MUC4: variants seen among roughly 807,000 people sequenced by gnomAD.
The protein encoded by MUC4 is mucin 4, cell surface associated, also known as mucin-4.
In MUC4, 202 loss-of-function variants were observed where a neutral mutation model predicts 257.9. The observed-to-expected ratio is 0.78, with a 90% CI of 0.70 to 0.88. MUC4 has a LOEUF of 0.88. MUC4 is among the 40% of genes least tolerant of loss of function. The pLI is 0.00. For synonymous variants in MUC4, 2,351 were observed against 2,757.1 expected, an observed-to-expected ratio of 0.85 and a Z score of 4.62; for missense variants, 5,976 against 6,513.7, an observed-to-expected ratio of 0.92 and a Z score of 2.84.
chr3:195,770,327 C>T lies in MUC4; in HGVS notation c.13287G>A (p.Gln4429=). 8 of 1,614,054 alleles carry T rather than the reference C, an allele frequency of 5.0e-6. No homozygotes were observed. The highest frequency in any genetic ancestry group is 6.8e-6 in the Non-Finnish European group (8 of 1,179,984). The change falls in exon 6 of 25, where the codon CAG becomes CAA. Residue 4429 remains glutamine, a synonymous_variant. Coordinates refer to ENST00000463781, the MANE Select transcript of MUC4 (RefSeq NM_018406.7). ...FYGEHSLLVQ[Q]AESWIRKMTN... ...TCATCTTTCTAATCCAAGACTCGGC[C>T]TGCTGGACTAGCAGGCTGTGTTCAC...
rs1359919235 is a variant in MUC4, at chr3:195,811,869, G to A, written c.-52C>T. On this transcript the variant is annotated 5_prime_UTR_variant, in exon 1 of 25. Transcript: ENST00000463781. ...CCTGGGGAAGCTCCACGGCCCAGCA[G>A]CTGCAGTGTGAGGAGCAGACGTGAG... The A allele has an allele frequency of 5.1e-6, 8 of 1,576,060 alleles. No homozygotes were observed. Among genetic ancestry groups the A allele is most frequent in the African/African-American group, 1.3e-5 (1 of 74,200 alleles).
intron 1 of MUC4, among the ~76,000 whole-genome samples, chr3:195,794,136 A>T (rs1734251306): frequency 6.6e-6 from 1 of 150,768 alleles, no homozygotes; most frequent in African/African-American, 2.4e-5. Context: ...ATAAAGAAAA[A>T]TATTTCCCAG....
At chr3:195,772,233 G>C (rs2550243) in intron 4 of MUC4, among the ~76,000 whole-genome samples, 4 of 144,648 alleles carry the variant, frequency 2.8e-5, no homozygotes, top group African/African-American at 1.0e-4. Flanking sequence ...CCCTCCCTCC[G>C]TCGCTCAGGG....
intron 3 of MUC4, among the ~76,000 whole-genome samples, chr3:195,775,905 C>T (rs1328471222): frequency 1.9e-5 from 2 of 103,356 alleles, no homozygotes; most frequent in African/African-American, 1.0e-4. Flanking sequence ...CCTTCCACAC[C>T]CATACCTTCC....
rs71180950 is a variant in MUC4 at position 195,746,885 on chromosome 3, CGTGTGTGTGT to C, written c.*281_*290del. The C allele has an allele frequency of 8.2e-6, 4 of 485,518 alleles. No homozygotes were observed. The highest frequency in any genetic ancestry group is 3.5e-5 in the South Asian group (1 of 28,204). The allele number at this position is 485,518 out of a possible 1,614,324, so 30.1% of individuals were successfully genotyped here. ...TAGGGCCATCACCACATTATGAACT[CGTGTGTGTGT>C]GTGTGTGTGTGCACGCGCGCGTGCA... On this transcript the variant is annotated 3_prime_UTR_variant, in exon 25 of 25. Transcript: ENST00000463781.
At chr3:195,768,710 GTTA>G (rs998020103) in intron 7 of MUC4, among the ~76,000 whole-genome samples, 3 of 152,250 alleles carry the variant, frequency 2.0e-5, no homozygotes, top group Non-Finnish European at 2.9e-5. Flanking sequence ...AGTCTTGGCT[GTTA>G]TTATCACGAT....
chr3:195,788,839 C>T lies in MUC4; in HGVS notation c.2741G>A (p.Arg914Lys). Residue 914 changes from arginine to lysine, a missense_variant, in exon 2 of 25, where the codon AGA (arginine) becomes AAA (lysine). Around this residue, in one of 44 missense-constraint regions of MUC4, gnomAD observed 1,583 missense variants for 1,257.4 expected, o/e 1.26. Transcript: ENST00000463781. ...GATAGTGTCAGACCCTCTGCTGGTT[C>T]TTGTCCTCTGAGTCTGGGCCATCCG... ...ISRMAQTQRT[R>K]TSRGSDTISL... 1 of 1,613,888 alleles carries T rather than the reference C, an allele frequency of 6.2e-7. No homozygotes were observed. Among genetic ancestry groups the T allele is most frequent in the Non-Finnish European group, 8.5e-7 (1 of 1,179,840 alleles).
At chr3:195,808,401 A>G (rs1343577629) in intron 1 of MUC4, among the ~76,000 whole-genome samples, 1 of 151,988 alleles carries the variant, frequency 6.6e-6, no homozygotes, top group Non-Finnish European at 1.5e-5. Flanking sequence ...TTTTTAGTGG[A>G]GACAGGGTTG....
At position 195,789,145 on chromosome 3, in the gene MUC4, C is replaced by T. The variant is rs1294092008; in HGVS notation, c.2435G>A (p.Gly812Asp). 1 of 1,613,654 alleles carries T rather than the reference C, an allele frequency of 6.2e-7. No individual in the cohort carries two copies. Among genetic ancestry groups the T allele is most frequent in the Non-Finnish European group, 8.5e-7 (1 of 1,179,820 alleles). Reference protein sequence around the residue: ...TATPSSSGASGTTPSGSEGIS... With the variant: ...TATPSSSGASDTTPSGSEGIS... ...TCCTTCGCTTCCTGAAGGTGTTGTG[C>T]CACTCGCCCCGGATGAGGAAGGGGT... is the stretch of plus-strand genomic sequence containing the variant. Residue 812 changes from glycine to aspartate, a missense_variant, in exon 2 of 25, where the codon GGC (glycine) becomes GAC (aspartate). Physicochemically the swap from Gly to Asp is moderately conservative, Grantham distance 94 (BLOSUM62 -1). Transcript: ENST00000463781.
chr3:195,767,802 TCATCACCACCATCACCACCAC>T (rs1356569256), intron 7 of MUC4, among the ~76,000 whole-genome samples: 2 of 31,920 alleles, frequency 6.3e-5, no homozygotes, highest in African/African-American at 2.1e-4. Context: ...GCCACCACCA[TCATCACCACCATCACCACCAC>T]CACCACCATC....
chr3:195,779,658 A>T lies in MUC4; in HGVS notation c.11922T>A (p.Arg3974=). The change falls in exon 2 of 25, where the codon CGT becomes CGA. Residue 3974 remains arginine, a synonymous_variant. Transcript: ENST00000463781. ...GHATSLPVTS[R]SSASTGHATP... is the part of the protein sequence containing the mutation. ...TGGCGTGACCTGTGGATGCTGAGGA[A>T]CGGCTGGTGACAGGAAGAGAGGTGG... The T allele has an allele frequency of 3.0e-6, 3 of 983,980 alleles. 1 individual carries two copies. The highest frequency in any genetic ancestry group is 4.2e-6 in the Non-Finnish European group (3 of 719,724). The allele number at this position is 983,980 out of a possible 1,614,324, so 61.0% of individuals were successfully genotyped here.
At chr3:195,803,077 G>A (rs1012506220) in intron 1 of MUC4, among the ~76,000 whole-genome samples, 7 of 151,880 alleles carry the variant, frequency 4.6e-5, no homozygotes, top group Admixed American at 3.3e-4. Context: ...ATTTCTCTGC[G>A]TGCGAGGATC....
chr3:195,786,362 C>T lies in MUC4; in HGVS notation c.5218G>A (p.Gly1740Ser). 1 of 1,526,268 alleles carries T rather than the reference C, an allele frequency of 6.6e-7. No individual in the cohort carries two copies. Among genetic ancestry groups the T allele is most frequent in the Non-Finnish European group, 8.8e-7 (1 of 1,130,890 alleles). 94.5% of individuals were successfully genotyped at this position (1,526,268 alleles called of 1,614,324 possible). ...GTGACAAGAAGAGGGCTGGCGTGAC[C>T]TGTGGATGCTGAGGAAGGGCTAGTG... ...PVTSPSSAST[G>S]HASPLLVTDA... is the part of the protein sequence containing the mutation. The change falls in exon 2 of 25, where the codon GGT becomes AGT. Residue 1740 changes from glycine (G) to serine (S), a missense_variant. Gly to Ser is a moderately conservative substitution (Grantham distance 56). Around this residue, in one of 44 missense-constraint regions of MUC4, gnomAD observed 138 missense variants for 107.8 expected, o/e 1.28. Coordinates refer to ENST00000463781, the MANE Select transcript of MUC4 (RefSeq NM_018406.7).
chr3:195,747,691 C>G (rs1208605383), intron 24 of MUC4, among the ~76,000 whole-genome samples: 1 of 152,258 alleles, frequency 6.6e-6, no homozygotes, highest in Non-Finnish European at 1.5e-5. Flanking sequence ...ACGGTGAAAC[C>G]CCATCTCTAC....
chr3:195,775,483 A>G (rs1449749840), intron 3 of MUC4, among the ~76,000 whole-genome samples: 3 of 83,358 alleles, frequency 3.6e-5, no homozygotes, highest in African/African-American at 6.5e-5. Flanking sequence ...TACCTTCCAC[A>G]CCCATACCTT....
chr3:195,784,739 C>T lies in MUC4; in HGVS notation c.6841G>A (p.Val2281Ile). The T allele has an allele frequency of 6.9e-7, 1 of 1,457,438 alleles. No homozygotes were observed. The highest frequency in any genetic ancestry group is 1.3e-5 in the South Asian group (1 of 78,584). 90.3% of individuals were successfully genotyped at this position (1,457,438 alleles called of 1,614,324 possible). Residue 2281 changes from valine to isoleucine, a missense_variant, in exon 2 of 25, where the codon GTA (valine) becomes ATA (isoleucine). By Grantham distance (29) the Val-to-Ile change is conservative. Coordinates refer to ENST00000463781, the MANE Select transcript of MUC4 (RefSeq NM_018406.7). The part of the protein sequence containing the change: ...TSLPVTSLSS[V>I]STGDTTPLPV... ...AGAGGAGTGGTGTCACCTGTGGATA[C>T]TGAGGAAAGGCTGGTGACAGGAAGA...
chr3:195,789,697 G>A lies in MUC4; in HGVS notation c.1883C>T (p.Pro628Leu), dbSNP rs920723630. The change falls in exon 2 of 25, where the codon CCT (proline) becomes CTT (leucine). Residue 628 changes from proline to leucine, a missense_variant. Pro to Leu is a moderately conservative substitution (Grantham distance 98). Around this residue, in one of 44 missense-constraint regions of MUC4, gnomAD observed 1,583 missense variants for 1,257.4 expected, o/e 1.26. Coordinates refer to ENST00000463781, the MANE Select transcript of MUC4 (RefSeq NM_018406.7). ...HSTIHSTSTS[P>L]QESPAVSQRG... The stretch of plus-strand genomic sequence containing the variant: ...TTGGGAAACAGCTGGTGATTCCTGA[G>A]GAGAGGTGCTTGTGGAATGTATTGT... The A allele has an allele frequency of 3.7e-6, 6 of 1,614,018 alleles. No homozygotes were observed. The Admixed American group carries it at 8.3e-5, about 22-fold the overall frequency.
Position 195,757,393 on chromosome 3 carries a change from G to C in MUC4, c.14987-65C>G. ...TCCTCGGCTCTGTGGTCTGATTGCTGATACGGGGCTTCCCCCACCCCTCTC... is the reference window on the plus strand; with the variant it reads ...TCCTCGGCTCTGTGGTCTGATTGCTCATACGGGGCTTCCCCCACCCCTCTC... On this transcript the variant is annotated intron_variant, in intron 17 of 24. Transcript: ENST00000463781. This position sits in a 1 kb window ranked among gnomAD's most constrained non-coding sequence, Gnocchi z 4.8. 1 of 1,464,626 alleles carries C rather than the reference G, an allele frequency of 6.8e-7. No homozygotes were observed. Among genetic ancestry groups the C allele is most frequent in the Non-Finnish European group, 9.3e-7 (1 of 1,075,612 alleles). 90.7% of individuals were successfully genotyped at this position (1,464,626 alleles called of 1,614,324 possible).
intron 16 of MUC4, among the ~76,000 whole-genome samples, chr3:195,759,671 G>T (rs1432832955): frequency 6.6e-6 from 1 of 152,210 alleles, no homozygotes; most frequent in African/African-American, 2.4e-5. Context: ...TGTAATCCCA[G>T]CACTTTGGGA....
Sources: allele counts gnomAD v4.1 joint callset (sites outside exome capture counted in the v4.1 genomes callset), GRCh38; gene constraint gnomAD v4.1.1; regional missense constraint gnomAD v4.1.1; non-coding constraint Gnocchi (gnomAD v3.1); transcripts MANE v1.5; gene names NCBI Gene and HGNC (gene_info 2026-07-23, HGNC 2026-07-21).